BMPR2: variants seen among roughly 807,000 people sequenced by gnomAD.
BMPR2 encodes bone morphogenetic protein receptor type 2.
In BMPR2, 29 loss-of-function variants were observed where a neutral mutation model predicts 100.8. That is an observed-to-expected ratio of 0.29 (90% CI 0.21 to 0.39). The LOEUF (loss-of-function observed/expected upper bound fraction) is 0.39, where lower values mean the gene tolerates loss of function less well. Among genes scored for constraint, BMPR2 ranks in the 10% least tolerant of loss-of-function variants. The pLI, the probability that BMPR2 is intolerant of heterozygous loss-of-function variation, is 1.00. For synonymous variants in BMPR2, 382 were observed against 442.3 expected (o/e 0.86, Z 1.71); for missense variants, 1,011 against 1,274.5 (o/e 0.79, Z 3.15).
chr2:202,391,823 G>A (rs565675868), intron 1 of BMPR2, among the ~76,000 whole-genome samples: 5 of 151,216 alleles, frequency 3.3e-5, no homozygotes, highest in African/African-American at 9.7e-5. Context: ...GTGCAGTGGC[G>A]CAATCTTGGC....
intron 3 of BMPR2, among the ~76,000 whole-genome samples, chr2:202,484,825 C>T (rs1692738550): frequency 6.7e-6 from 1 of 150,362 alleles, no homozygotes; most frequent in South Asian, 2.1e-4. Context: ...AAAAATTAGC[C>T]AGGCGTGGTG....
At chr2:202,472,167 T>A (rs889977983) in intron 3 of BMPR2, among the ~76,000 whole-genome samples, 3 of 152,192 alleles carry the variant, frequency 2.0e-5, no homozygotes, top group African/African-American at 7.2e-5. Flanking sequence ...TACTCTAGGA[T>A]CATCAGTTTT....
chr2:202,378,415 T>C (rs1690201103), intron 1 of BMPR2, among the ~76,000 whole-genome samples: 2 of 152,208 alleles, frequency 1.3e-5, no homozygotes, highest in Non-Finnish European at 2.9e-5. Flanking sequence ...GTACACTTGG[T>C]TTATGATGGG....
intron 1 of BMPR2, among the ~76,000 whole-genome samples, chr2:202,452,516 G>T (rs1692010389): frequency 6.6e-6 from 1 of 152,094 alleles, no homozygotes. Context: ...AGGCATTGTG[G>T]CTTGTGCCTA....
At chr2:202,481,983 T>A (rs1320423014) in intron 3 of BMPR2, among the ~76,000 whole-genome samples, 1 of 152,194 alleles carries the variant, frequency 6.6e-6, no homozygotes, top group Non-Finnish European at 1.5e-5. Flanking sequence ...AACAACTCAC[T>A]ATTACCCCTT....
chr2:202,434,123 A>T (rs536970890), intron 1 of BMPR2, among the ~76,000 whole-genome samples: 1 of 150,734 alleles, frequency 6.6e-6, no homozygotes, highest in South Asian at 2.1e-4. Flanking sequence ...GCAAACTTTC[A>T]TCTCATTGGG....
At chr2:202,419,901 CA>C (rs1421569825) in intron 1 of BMPR2, among the ~76,000 whole-genome samples, 2 of 152,116 alleles carry the variant, frequency 1.3e-5, no homozygotes, top group Non-Finnish European at 2.9e-5. Flanking sequence ...GTAATACGCG[CA>C]CTTTGGGTGG....
At chr2:202,554,826 C>T (rs1194915953) in intron 11 of BMPR2, among the ~76,000 whole-genome samples, 3 of 152,128 alleles carry the variant, frequency 2.0e-5, no homozygotes, top group Non-Finnish European at 4.4e-5. Context: ...TGATAACATA[C>T]CTTTTGAGTA....
intron 9 of BMPR2, among the ~76,000 whole-genome samples, chr2:202,538,528 A>T (rs1260577227): frequency 2.0e-5 from 3 of 152,070 alleles, no homozygotes; most frequent in Non-Finnish European, 4.4e-5. Context: ...ACAGTGGCTC[A>T]CACCTGTAAT....
rs1043562957 is a variant in BMPR2, at chr2:202,530,930, G to A, written c.1104G>A (p.Glu368=). The A allele has an allele frequency of 2.1e-5, 34 of 1,613,976 alleles. No homozygotes were observed. Among genetic ancestry groups the A allele is most frequent in the Non-Finnish European group, 2.6e-5 (31 of 1,180,014 alleles). The change falls in exon 8 of 13, where the codon GAG becomes GAA. Residue 368 remains glutamate (E), a synonymous_variant. Transcript: ENST00000374580. ...GAAATAGACTGGTGCGCCCAGGGGA[G>A]GAAGATAATGCAGCCATAAGCGAGG... is the stretch of plus-strand genomic sequence containing the variant. ...LTGNRLVRPG[E]EDNAAISEVG... is the part of the protein sequence containing the mutation.
rs1195908712 is a variant in BMPR2, at chr2:202,518,953, G to A, written c.753G>A (p.Leu251=). The stretch of plus-strand genomic sequence containing the variant: ...AAAAGAACATTTACAGAGTGCCTTT[G>A]ATGGAACATGACAACATTGCCCGCT... ...INEKNIYRVP[L]MEHDNIARFI... The change falls in exon 6 of 13, where the codon TTG becomes TTA. Residue 251 remains leucine (L), a synonymous_variant. Coordinates refer to ENST00000374580, the MANE Select transcript of BMPR2 (RefSeq NM_001204.7). 17 of 1,614,216 alleles carry A rather than the reference G, an allele frequency of 1.1e-5. No individual in the cohort carries two copies. The highest frequency in any genetic ancestry group is 1.4e-5 in the Non-Finnish European group (17 of 1,180,052).
intron 3 of BMPR2, among the ~76,000 whole-genome samples, chr2:202,511,079 T>G (rs968696068): frequency 4.6e-5 from 7 of 151,470 alleles, no homozygotes; most frequent in African/African-American, 1.5e-4. Context: ...GTTGTGCAAC[T>G]ATTACCTCTG....
intron 1 of BMPR2, among the ~76,000 whole-genome samples, chr2:202,406,364 TCTTA>T (rs923467756): frequency 1.1e-4 from 17 of 152,326 alleles, no homozygotes; most frequent in African/African-American, 4.1e-4. Context: ...GAGAAGATGC[TCTTA>T]CTTTGTTTTG....
At chr2:202,406,737 A>T (rs982120890) in intron 1 of BMPR2, among the ~76,000 whole-genome samples, 4 of 152,154 alleles carry the variant, frequency 2.6e-5, no homozygotes. Context: ...GGTTAGGCAC[A>T]CACTAGAGGC....
intron 3 of BMPR2, among the ~76,000 whole-genome samples, chr2:202,508,421 A>T (rs980901273): frequency 2.6e-5 from 4 of 152,218 alleles, no homozygotes; most frequent in Non-Finnish European, 4.4e-5. Flanking sequence ...ACCAAGAAAA[A>T]GAAATACCAT....
rs1040847897 is a variant in BMPR2 at position 202,538,462 on chromosome 2, GA to G, written c.1277-3841del. 5.3e-5 allele frequency among the ~76,000 whole-genome samples: 8 copies of G among 149,980 alleles called. 1 individual carries two copies. The highest frequency in any genetic ancestry group is 4.0e-4 in the Admixed American group (6 of 14,998). On this transcript the variant is annotated intron_variant, in intron 9 of 12. Coordinates refer to ENST00000374580, the MANE Select transcript of BMPR2 (RefSeq NM_001204.7). ...ACAGAGCGAGACTCCATCTCTTAAA[GA>G]AAAAAAAGAAGGAACTATTCAGAGG...
intron 1 of BMPR2, among the ~76,000 whole-genome samples, chr2:202,403,292 C>G (rs1274408167): frequency 6.7e-6 from 1 of 149,886 alleles, no homozygotes; most frequent in Non-Finnish European, 1.5e-5. Context: ...CTCCGCCTCC[C>G]GGGTTCAAGC....
intron 4 of BMPR2, 53 bp from the exon 5 acceptor site, chr2:202,514,835 G>T (rs1687684247): frequency 2.9e-6 from 4 of 1,393,920 alleles, no homozygotes; most frequent in Non-Finnish European, 3.1e-6. Flanking sequence ...AGTGTAAAAA[G>T]ATATTCATTT....
chr2:202,488,492 T>TC (rs747456715), intron 3 of BMPR2, among the ~76,000 whole-genome samples: 2 of 152,178 alleles, frequency 1.3e-5, no homozygotes, highest in Non-Finnish European at 2.9e-5. Context: ...AGGTTCTCAC[T>TC]CTGTCTCCCA....
Sources: gnomAD v4.1 joint callset for allele counts (sites outside exome capture counted in the v4.1 genomes callset) on GRCh38, gnomAD v4.1.1 for gene constraint, MANE v1.5 for transcripts, NCBI Gene and HGNC (gene_info 2026-07-23, HGNC 2026-07-21) for gene names.